Variants in RFX3 observed in about 807,000 individuals in gnomAD.
RFX3 encodes regulatory factor X3, also known as transcription factor RFX3.
A neutral mutation model predicts 98.6 loss-of-function variants in RFX3; 14 were observed. That is an observed-to-expected ratio of 0.14 (90% CI 0.09 to 0.22). RFX3 has a LOEUF of 0.22. RFX3 is among the 10% of genes least tolerant of loss of function. The probability of loss-of-function intolerance (pLI) is 1.00; values close to 1 mark genes in which losing one functional copy is unlikely to be tolerated. For synonymous variants in RFX3, 383 were observed against 328.4 expected (o/e 1.17, Z -1.80); for missense variants, 639 against 926.9 (o/e 0.69, Z 4.03).
rs569294702 is a variant in RFX3 at position 3,363,076 on chromosome 9, G to A, written c.118-16312C>T. Among the ~76,000 whole-genome samples, 4 of 152,204 alleles carry A rather than the reference G, an allele frequency of 2.6e-5. 1 individual carries two copies. Among genetic ancestry groups the A allele is most frequent in the Non-Finnish European group, 5.9e-5 (4 of 68,016 alleles). ...CTGTATTAAGCATTATTTCCCTTGG[G>A]TCCTAGCAGAGCCTACCAATGCTAA... On this transcript the variant is annotated intron_variant, in intron 2 of 16. Coordinates refer to ENST00000617270, the MANE Select transcript of RFX3 (RefSeq NM_001282116.2).
intron 1 of RFX3, among the ~76,000 whole-genome samples, chr9:3,407,779 A>C (rs1336990331): frequency 6.6e-6 from 1 of 152,142 alleles, no homozygotes; most frequent in Non-Finnish European, 1.5e-5. Flanking sequence ...ATTTCCAGCA[A>C]TGCAGAGTAC....
intron 1 of RFX3, among the ~76,000 whole-genome samples, chr9:3,414,476 C>CTATATAT (rs1842718763): frequency 6.6e-6 from 1 of 150,670 alleles, no homozygotes; most frequent in Non-Finnish European, 1.5e-5. Context: ...CAGTAAATAC[C>CTATATAT]ACTAACATAT....
chr9:3,345,771 G>C (rs12337888), intron 3 of RFX3, among the ~76,000 whole-genome samples: 14,385 of 152,132 alleles, frequency 0.095, 909 homozygotes, highest in African/African-American at 0.18. Context: ...GCACACTTCT[G>C]GTGTTGAGTT....
At chr9:3,394,363 T>G (rs1840638398) in intron 2 of RFX3, among the ~76,000 whole-genome samples, 3 of 152,158 alleles carry the variant, frequency 2.0e-5, no homozygotes, top group African/African-American at 4.8e-5. Flanking sequence ...TTCTGGAGGC[T>G]GAGGCAGGAG....
At chr9:3,511,158 T>C (rs899879908) in intron 1 of RFX3, among the ~76,000 whole-genome samples, 4 of 152,030 alleles carry the variant, frequency 2.6e-5, no homozygotes, top group Admixed American at 1.3e-4. Flanking sequence ...GCAAGCTTAT[T>C]TAATGCACTG....
chr9:3,358,986 A>G (rs1836098213), intron 2 of RFX3, among the ~76,000 whole-genome samples: 1 of 151,736 alleles, frequency 6.6e-6, no homozygotes, highest in Non-Finnish European at 1.5e-5. Context: ...CCCTTGACAC[A>G]TGGGGATTAT....
intron 2 of RFX3, among the ~76,000 whole-genome samples, chr9:3,391,821 C>A (rs1415770126): frequency 2.0e-5 from 3 of 152,052 alleles, no homozygotes; most frequent in Non-Finnish European, 2.9e-5. Flanking sequence ...TCTACCAACC[C>A]CTACGCAGTA....
At chr9:3,314,225 C>A (rs1830301708) in intron 4 of RFX3, among the ~76,000 whole-genome samples, 1 of 152,126 alleles carries the variant, frequency 6.6e-6, no homozygotes, top group South Asian at 2.1e-4. Context: ...ATTTAACATT[C>A]TTAAAGAAAA....
intron 5 of RFX3, among the ~76,000 whole-genome samples, chr9:3,298,313 CAGA>C (rs977861799): frequency 7.9e-5 from 12 of 151,624 alleles, no homozygotes; most frequent in Admixed American, 7.9e-4. Flanking sequence ...GATGGTATAC[CAGA>C]AGAAGACCAC....
intron 1 of RFX3, among the ~76,000 whole-genome samples, chr9:3,480,070 T>G (rs1849610233): frequency 6.6e-6 from 1 of 152,246 alleles, no homozygotes; most frequent in African/African-American, 2.4e-5. Context: ...CATGTTTCTT[T>G]TGCTTTTCTT....
chr9:3,387,864 T>C (rs745870989), intron 2 of RFX3, among the ~76,000 whole-genome samples: 1 of 152,058 alleles, frequency 6.6e-6, no homozygotes, highest in South Asian at 2.1e-4. Context: ...AATGCTAGGA[T>C]TCACAGAAAG....
chr9:3,322,436 T>C (rs544421135), intron 4 of RFX3, among the ~76,000 whole-genome samples: 1 of 152,326 alleles, frequency 6.6e-6, no homozygotes, highest in East Asian at 1.9e-4. Flanking sequence ...GATTTATTTG[T>C]GTATTAATTT....
intron 13 of RFX3, among the ~76,000 whole-genome samples, chr9:3,261,280 C>G (rs1822855010): frequency 6.6e-6 from 1 of 152,016 alleles, no homozygotes; most frequent in Non-Finnish European, 1.5e-5. Flanking sequence ...AACCCCATGA[C>G]TCTTATTTGT....
At chr9:3,505,620 T>C (rs1411669286) in intron 1 of RFX3, among the ~76,000 whole-genome samples, 1 of 150,544 alleles carries the variant, frequency 6.6e-6, no homozygotes, top group South Asian at 2.1e-4. Flanking sequence ...TACCAAAGTA[T>C]CAATATTATA....
At chr9:3,414,989 C>G (rs955831443) in intron 1 of RFX3, among the ~76,000 whole-genome samples, 11 of 129,834 alleles carry the variant, frequency 8.5e-5, no homozygotes, top group East Asian at 4.4e-4. Context: ...TATATATACT[C>G]ATATATATAC....
intron 1 of RFX3, among the ~76,000 whole-genome samples, chr9:3,465,703 T>A (rs1162732080): frequency 6.6e-6 from 1 of 152,000 alleles, no homozygotes; most frequent in African/African-American, 2.4e-5. Context: ...GAGTTTACAG[T>A]ATACAAAGAA....
intron 13 of RFX3, among the ~76,000 whole-genome samples, chr9:3,260,559 T>C (rs1563817836): frequency 1.3e-5 from 2 of 151,818 alleles, no homozygotes; most frequent in Admixed American, 6.6e-5. Context: ...GAGTTTAAAT[T>C]ACTTTCTGAA....
At chr9:3,505,784 A>AC (rs1817028825) in intron 1 of RFX3, among the ~76,000 whole-genome samples, 1 of 144,002 alleles carries the variant, frequency 6.9e-6, no homozygotes, top group South Asian at 2.4e-4. Flanking sequence ...TACACTCTCT[A>AC]CCCCCCTGCT....
At chr9:3,300,452 T>C (rs1259862614) in intron 5 of RFX3, among the ~76,000 whole-genome samples, 1 of 151,812 alleles carries the variant, frequency 6.6e-6, no homozygotes, top group Non-Finnish European at 1.5e-5. Flanking sequence ...TAATTAGTGC[T>C]ATTTTAAGAT....
Sources: allele counts gnomAD v4.1 joint callset (sites outside exome capture counted in the v4.1 genomes callset), GRCh38; gene constraint gnomAD v4.1.1; transcripts MANE v1.5; gene names NCBI Gene and HGNC (gene_info 2026-07-23, HGNC 2026-07-21).